LRRTM4: variants seen among roughly 807,000 people sequenced by gnomAD.
LRRTM4 encodes the protein leucine-rich repeat transmembrane neuronal protein 4.
A neutral mutation model predicts 47.6 loss-of-function variants in LRRTM4; 25 were observed. The observed-to-expected ratio is 0.53, with a 90% CI of 0.38 to 0.73. LRRTM4 has a LOEUF of 0.73. Ranked by LOEUF, LRRTM4 falls within the 30% of genes least tolerant of loss-of-function variation. The probability of loss-of-function intolerance (pLI) is 0.00; values close to 1 mark genes in which losing one functional copy is unlikely to be tolerated. For synonymous variants in LRRTM4, 311 were observed against 269.5 expected, an observed-to-expected ratio of 1.15 and a Z score of -1.51; for missense variants, 638 against 713.4, an observed-to-expected ratio of 0.89 and a Z score of 1.20.
At chr2:77,103,579 G>A (rs1424387214) in intron 3 of LRRTM4, among the ~76,000 whole-genome samples, 1 of 150,454 alleles carries the variant, frequency 6.6e-6, no homozygotes, top group African/African-American at 2.5e-5. Context: ...AATGTGAAAA[G>A]CTAAAATTGC....
chr2:77,009,232 TTTC>T (rs1198865195), intron 3 of LRRTM4: 14 of 152,124 alleles, frequency 9.2e-5, no homozygotes, highest in Non-Finnish European at 2.9e-5. Flanking sequence ...ATCCAGTGAA[TTTC>T]TTTTCTTGTA....
chr2:76,780,165 C>A (rs1214996577), intron 3 of LRRTM4, among the ~76,000 whole-genome samples: 1 of 152,148 alleles, frequency 6.6e-6, no homozygotes, highest in Non-Finnish European at 1.5e-5. Context: ...TTGAGGGTAA[C>A]CCGACCTTTC....
intron 3 of LRRTM4, among the ~76,000 whole-genome samples, chr2:77,130,896 G>A (rs1470539267): frequency 5.3e-5 from 6 of 112,638 alleles, no homozygotes; most frequent in Non-Finnish European, 8.6e-5. Flanking sequence ...GTGCAGTGGC[G>A]GGATCTTGGC....
chr2:76,826,420 A>G (rs1645376068), intron 3 of LRRTM4, among the ~76,000 whole-genome samples: 1 of 151,538 alleles, frequency 6.6e-6, no homozygotes, highest in Admixed American at 6.6e-5. Context: ...GCATAAAAGG[A>G]AAAAAATAAT....
At chr2:77,411,578 G>A (rs1451883288) in intron 3 of LRRTM4, among the ~76,000 whole-genome samples, 3 of 141,478 alleles carry the variant, frequency 2.1e-5, no homozygotes, top group Non-Finnish European at 4.5e-5. Flanking sequence ...TCAGCCTCCT[G>A]AGTAGCTGAG....
chr2:77,220,550 T>C (rs1030372246), intron 3 of LRRTM4, among the ~76,000 whole-genome samples: 3 of 152,252 alleles, frequency 2.0e-5, no homozygotes, highest in East Asian at 3.9e-4. Context: ...CAGAACTACA[T>C]GATGAATGCA....
At chr2:77,378,658 C>T (rs1672930318) in intron 3 of LRRTM4, among the ~76,000 whole-genome samples, 2 of 152,242 alleles carry the variant, frequency 1.3e-5, no homozygotes, top group African/African-American at 4.8e-5. Flanking sequence ...GAGGTAACTT[C>T]ACCTTATGTC....
At position 77,518,691 on chromosome 2, in the gene LRRTM4, T is replaced by A; in HGVS notation, c.1178A>T (p.Asp393Val). ...TGTTTCAAAGGTGGATTGGGTGACG[T>A]CAGGTTTGAAGATGGTAGGTCTAGG... ...IIPRPTIFKP[D>V]VTQSTFETPS... The change falls in exon 3 of 4, where the codon GAC becomes GTC. Residue 393 changes from aspartate (D) to valine (V), a missense_variant. By Grantham distance (152) the Asp-to-Val change is radical. Coordinates refer to ENST00000409884, the MANE Select transcript of LRRTM4 (RefSeq NM_001134745.3). 1 of 1,613,422 alleles carries A rather than the reference T, an allele frequency of 6.2e-7. No individual in the cohort carries two copies. The highest frequency in any genetic ancestry group is 8.5e-7 in the Non-Finnish European group (1 of 1,179,642).
chr2:77,514,963 T>C (rs1042471982), intron 3 of LRRTM4, among the ~76,000 whole-genome samples: 2 of 151,894 alleles, frequency 1.3e-5, no homozygotes, highest in African/African-American at 4.8e-5. Context: ...AAGCTATTTT[T>C]CAAAGTAAAT....
chr2:77,255,850 C>T (rs74586750), intron 3 of LRRTM4, among the ~76,000 whole-genome samples: 53 of 151,962 alleles, frequency 3.5e-4, no homozygotes, highest in Non-Finnish European at 5.9e-4. Context: ...TAAATTCCCA[C>T]ATTAAGGAAC....
chr2:76,869,943 A>T (rs1403371708), intron 3 of LRRTM4, among the ~76,000 whole-genome samples: 1 of 152,162 alleles, frequency 6.6e-6, no homozygotes, highest in East Asian at 1.9e-4. Context: ...GAATGATAGT[A>T]TAAGTCATTT....
At chr2:77,441,737 T>C (rs1166255826) in intron 3 of LRRTM4, among the ~76,000 whole-genome samples, 1 of 152,178 alleles carries the variant, frequency 6.6e-6, no homozygotes, top group Non-Finnish European at 1.5e-5. Context: ...TATCTTATAG[T>C]TGTAGTCAAC....
intron 3 of LRRTM4, among the ~76,000 whole-genome samples, chr2:76,932,822 T>C (rs4852423): frequency 0.23 from 34,656 of 151,594 alleles, 5,144 homozygotes; most frequent in African/African-American, 0.42. Context: ...TTTGAAATGA[T>C]GTGTTCTTTT....
At chr2:76,823,361 T>A (rs550874089) in intron 3 of LRRTM4, among the ~76,000 whole-genome samples, 9 of 151,572 alleles carry the variant, frequency 5.9e-5, no homozygotes, top group Admixed American at 4.6e-4. Flanking sequence ...CATGTAGAAA[T>A]CATGAACACA....
chr2:77,444,647 T>C (rs1046176597), intron 3 of LRRTM4, among the ~76,000 whole-genome samples: 4 of 152,010 alleles, frequency 2.6e-5, no homozygotes, highest in Non-Finnish European at 5.9e-5. Flanking sequence ...AAGTAAAATT[T>C]AAAAATATAA....
intron 3 of LRRTM4, among the ~76,000 whole-genome samples, chr2:76,851,753 TC>T (rs1326912502): frequency 6.9e-5 from 9 of 130,338 alleles, no homozygotes; most frequent in Non-Finnish European, 1.4e-4. Context: ...TAACTTTTAT[TC>T]GTTTTTTTTT....
At chr2:77,045,832 T>C (rs1679216509) in intron 3 of LRRTM4, among the ~76,000 whole-genome samples, 1 of 151,970 alleles carries the variant, frequency 6.6e-6, no homozygotes. Flanking sequence ...ACAGCATTTT[T>C]TTTGCTATCA....
intron 3 of LRRTM4, among the ~76,000 whole-genome samples, chr2:77,057,381 G>A (rs954488513): frequency 5.9e-5 from 9 of 152,142 alleles, no homozygotes; most frequent in South Asian, 2.1e-4. Context: ...ATATGTGTGC[G>A]AAAATGCTTT....
At chr2:77,378,900 CAG>C (rs1248423514) in intron 3 of LRRTM4, among the ~76,000 whole-genome samples, 1 of 152,122 alleles carries the variant, frequency 6.6e-6, no homozygotes, top group Non-Finnish European at 1.5e-5. Flanking sequence ...CACAAGTGCT[CAG>C]AAATATTAAA....
Sources: allele counts gnomAD v4.1 joint callset (sites outside exome capture counted in the v4.1 genomes callset), GRCh38; gene constraint gnomAD v4.1.1; transcripts MANE v1.5; gene names NCBI Gene and HGNC (gene_info 2026-07-23, HGNC 2026-07-21).